The following CD300LF variants were observed in gnomAD, a reference collection of about 807,000 sequenced individuals.
The protein encoded by CD300LF is CD300 molecule like family member f, also known as CMRF35-like molecule 1.
CD300LF carries 27 observed loss-of-function variants against 32.2 expected under a neutral mutation model. The ratio of observed to expected loss-of-function variants is 0.84; its 90% CI spans 0.62 to 1.15. The LOEUF (loss-of-function observed/expected upper bound fraction) is 1.15, where lower values mean the gene tolerates loss of function less well. Ranked by LOEUF, CD300LF falls within the 50% of genes most tolerant of loss-of-function variation. CD300LF has a pLI of 0.00. For missense variants in CD300LF, 348 were observed against 356.8 expected, an observed-to-expected ratio of 0.98 and a Z score of 0.20; for synonymous variants, 139 against 143.2, an observed-to-expected ratio of 0.97 and a Z score of 0.21.
chr17:74,697,441 A>T (rs1448910525), intron 4 of CD300LF, among the ~76,000 whole-genome samples: 3 of 152,322 alleles, frequency 2.0e-5, no homozygotes, highest in South Asian at 4.1e-4. Flanking sequence ...TGGGCAATAC[A>T]TTTGGGAGAA....
At chr17:74,706,280 A>ATATAT (rs200263662) in intron 1 of CD300LF, among the ~76,000 whole-genome samples, 7 of 148,690 alleles carry the variant, frequency 4.7e-5, no homozygotes, top group East Asian at 2.0e-4. Flanking sequence ...AAGGAAAAAA[A>ATATAT]AAATATATAT....
At chr17:74,695,302 C>T (rs751365537) in intron 6 of CD300LF, 51 bp from the exon 7 acceptor site, 1 of 1,605,708 alleles carries the variant, frequency 6.2e-7, no homozygotes, top group East Asian at 2.2e-5. Flanking sequence ...AAGTGACGGT[C>T]ACGGGGCAGA....
intron 4 of CD300LF, among the ~76,000 whole-genome samples, chr17:74,696,486 G>A (rs900245159): frequency 2.0e-5 from 3 of 152,146 alleles, no homozygotes; most frequent in East Asian, 1.9e-4. Flanking sequence ...TCAGCTGATC[G>A]GGTGGCCCTG....
At chr17:74,704,320 C>G in intron 2 of CD300LF, 158 bp downstream of exon 2, 1 of 622,680 alleles carries the variant, frequency 1.6e-6, no homozygotes, top group Non-Finnish European at 2.8e-6. Context: ...TGAAGAGAGG[C>G]CCTGCTCCCC....
intron 1 of CD300LF, chr17:74,705,427 G>T: frequency 1.9e-6 from 1 of 520,220 alleles, no homozygotes; most frequent in Non-Finnish European, 3.5e-6. Context: ...GAATTGCTTT[G>T]ACCCCTTTGT....
intron 6 of CD300LF, 78 bp downstream of exon 6, chr17:74,695,647 C>T: frequency 3.1e-6 from 5 of 1,598,202 alleles, no homozygotes; most frequent in Non-Finnish European, 4.3e-6. Flanking sequence ...CAGGAGAAAG[C>T]CCACCCTCCA....
At chr17:74,710,950 G>A (rs886701772) in intron 1 of CD300LF, among the ~76,000 whole-genome samples, 1 of 151,962 alleles carries the variant, frequency 6.6e-6, no homozygotes, top group African/African-American at 2.4e-5. Flanking sequence ...CAAGGCAGGA[G>A]GATCACTTGA....
chr17:74,701,983 T>A (rs961868115), intron 3 of CD300LF, among the ~76,000 whole-genome samples: 20 of 151,046 alleles, frequency 1.3e-4, no homozygotes, highest in African/African-American at 4.4e-4. Context: ...GATGGCACCA[T>A]GCACTCAAGT....
intron 3 of CD300LF, among the ~76,000 whole-genome samples, chr17:74,699,276 T>G (rs1175545249): frequency 6.6e-6 from 1 of 152,142 alleles, no homozygotes; most frequent in Non-Finnish European, 1.5e-5. Context: ...TTAATGTGTC[T>G]AGAAGCCTAA....
chr17:74,705,172 A>G (rs950868373), intron 1 of CD300LF: 1 of 694,726 alleles, frequency 1.4e-6, no homozygotes, highest in Non-Finnish European at 2.6e-6. Flanking sequence ...TGGGGAGGAA[A>G]TACCAGGAGA....
intron 3 of CD300LF, among the ~76,000 whole-genome samples, chr17:74,702,428 A>G (rs1027854768): frequency 1.4e-4 from 22 of 152,318 alleles, no homozygotes; most frequent in Admixed American, 3.9e-4. Flanking sequence ...ATTCTTCCAC[A>G]TGGGGTGGTT....
intron 3 of CD300LF, among the ~76,000 whole-genome samples, chr17:74,701,236 T>A: frequency 6.6e-6 from 1 of 152,234 alleles, no homozygotes; most frequent in East Asian, 1.9e-4. Context: ...GTCAATTAAT[T>A]GTGTCAACCC....
intron 3 of CD300LF, among the ~76,000 whole-genome samples, chr17:74,699,183 C>T (rs936423289): frequency 2.0e-5 from 3 of 152,158 alleles, no homozygotes; most frequent in Admixed American, 6.6e-5. Flanking sequence ...TCCCAAAGTG[C>T]TGGGATTACA....
In CD300LF at chr17:74,698,456, G is replaced by A. The variant is rs1227187872; in HGVS notation, c.472C>T (p.Leu158Phe). ...AATATGGTGAAGATGAGGGGCAGGA[G>A]GACACTGAGCTTCAGGAGCTTGTGC... ...NRHKLLKLSVLLPLIFTILLL... is the reference protein window; with the variant it reads ...NRHKLLKLSVFLPLIFTILLL... Residue 158 changes from leucine to phenylalanine, a missense_variant, in exon 4 of 7, where the codon CTC becomes TTC. Leu to Phe is a conservative substitution (Grantham distance 22, BLOSUM62 0). Coordinates refer to ENST00000326165, the MANE Select transcript of CD300LF (RefSeq NM_139018.5). The A allele has an allele frequency of 6.2e-7, 1 of 1,613,968 alleles. No homozygotes were observed. Among genetic ancestry groups the A allele is most frequent in the Non-Finnish European group, 8.5e-7 (1 of 1,179,984 alleles).
At position 74,698,352 on chromosome 17, in the gene CD300LF, C is replaced by A. The variant is rs1159257643; in HGVS notation, c.559+17G>T. ...ACCCGGCCCAGTCTCAGCCCAGCCT[C>A]ACCCAGGTCCTCTCACCTTTCTGCT... On this transcript the variant is annotated intron_variant, in intron 4 of 6. Coordinates refer to ENST00000326165, the MANE Select transcript of CD300LF (RefSeq NM_139018.5). 1.3e-6 allele frequency: 2 copies of A among 1,577,296 alleles called. No homozygotes were observed. The highest frequency in any genetic ancestry group is 2.2e-5 in the South Asian group (2 of 90,204).
chr17:74,701,145 TA>T (rs2033016248), intron 3 of CD300LF, among the ~76,000 whole-genome samples: 1 of 152,226 alleles, frequency 6.6e-6, no homozygotes, highest in Non-Finnish European at 1.5e-5. Flanking sequence ...GGTATTTTGT[TA>T]GGGGCAACCC....
intron 1 of CD300LF, 52 bp downstream of exon 1, chr17:74,712,772 C>T (rs1210085875): frequency 3.1e-6 from 5 of 1,605,830 alleles, no homozygotes; most frequent in Admixed American, 1.7e-5. Flanking sequence ...CTCTCAGCCA[C>T]CTCCTCCTGC....
intron 3 of CD300LF, among the ~76,000 whole-genome samples, chr17:74,698,777 T>A (rs929526066): frequency 6.6e-5 from 10 of 152,194 alleles, no homozygotes; most frequent in Non-Finnish European, 1.5e-5. Context: ...ACCTATTACC[T>A]GGGTGACAAA....
chr17:74,694,971 G>T lies in CD300LF; in HGVS notation c.*125C>A. ...AGCCCAACCCAGAGCTAGGGGCAAT[G>T]CTGGCTGATCAGGCAGAGGCACCAG... On this transcript the variant is annotated 3_prime_UTR_variant, in exon 7 of 7. Transcript: ENST00000326165. 9.1e-7 allele frequency: 1 copy of T among 1,103,102 alleles called. No homozygotes were observed. The highest frequency in any genetic ancestry group is 1.3e-6 in the Non-Finnish European group (1 of 772,102). 68.3% of individuals were successfully genotyped at this position (1,103,102 alleles called of 1,614,324 possible).
Sources: allele counts gnomAD v4.1 joint callset (sites outside exome capture counted in the v4.1 genomes callset), GRCh38; gene constraint gnomAD v4.1.1; transcripts MANE v1.5; gene names NCBI Gene and HGNC (gene_info 2026-07-23, HGNC 2026-07-21).